AKAP6: variants seen among roughly 807,000 people sequenced by gnomAD.
AKAP6 encodes A-kinase anchor protein 6.
AKAP6 carries 58 observed loss-of-function variants against 188.5 expected under a neutral mutation model. The observed-to-expected ratio is 0.31, with a 90% CI of 0.25 to 0.38. The LOEUF (loss-of-function observed/expected upper bound fraction) is 0.38. Among genes scored for constraint, AKAP6 ranks in the 10% least tolerant of loss-of-function variants. AKAP6 has a pLI of 1.00. For missense variants in AKAP6, 2,710 were observed against 2,740.0 expected, an observed-to-expected ratio of 0.99 and a Z score of 0.24; for synonymous variants, 989 against 998.6, an observed-to-expected ratio of 0.99 and a Z score of 0.18.
Position 32,835,250 on chromosome 14 carries a change from C to G in AKAP6, c.*5445C>G, listed in dbSNP as rs1247734548. 6.8e-6 allele frequency: 1 copy of G among 147,638 alleles called. No individual in the cohort carries two copies. Among genetic ancestry groups the G allele is most frequent in the Non-Finnish European group, 1.5e-5 (1 of 66,412 alleles). 9.1% of individuals were successfully genotyped at this position (147,638 alleles called of 1,614,324 possible). On this transcript the variant is annotated 3_prime_UTR_variant, in exon 14 of 14. Transcript: ENST00000280979. ...TTGCAAATTCAGTGTAAGACATAAA[C>G]ACCGGCAATAGTTGTGTTTTTTTTT...
intron 1 of AKAP6, among the ~76,000 whole-genome samples, chr14:32,407,574 T>C (rs2138636778): frequency 6.6e-6 from 1 of 152,346 alleles, no homozygotes; most frequent in South Asian, 2.1e-4. Context: ...TGATATTTAC[T>C]GCATGTTAGT....
intron 12 of AKAP6, among the ~76,000 whole-genome samples, chr14:32,776,591 C>T (rs979844330): frequency 1.3e-5 from 2 of 152,198 alleles, no homozygotes; most frequent in African/African-American, 4.8e-5. Context: ...CATAGTAGGT[C>T]TACAAATAAG....
At chr14:32,402,443 A>C (rs1381871695) in intron 1 of AKAP6, among the ~76,000 whole-genome samples, 1 of 152,218 alleles carries the variant, frequency 6.6e-6, no homozygotes, top group African/African-American at 2.4e-5. Context: ...ATTTCCTGAT[A>C]TCAAATGCCT....
intron 11 of AKAP6, among the ~76,000 whole-genome samples, chr14:32,746,363 A>G (rs2031910930): frequency 6.6e-6 from 1 of 152,114 alleles, no homozygotes; most frequent in Admixed American, 6.5e-5. Flanking sequence ...TCAGGGTTCA[A>G]AGGGTCTACA....
At position 32,769,858 on chromosome 14, in the gene AKAP6, T is replaced by G. The variant is rs555065235; in HGVS notation, c.3373-3820T>G. On this transcript the variant is annotated intron_variant, in intron 11 of 13. Transcript: ENST00000280979. ...TTCTTTTATTATAAGCTTATTTATA[T>G]CCTTTTATAAACTATATGACATTCA... 3.9e-5 allele frequency among the ~76,000 whole-genome samples: 6 copies of G among 152,314 alleles called. No homozygotes were observed. In the South Asian group the frequency reaches 6.2e-4, roughly 16 times the overall value.
intron 9 of AKAP6, among the ~76,000 whole-genome samples, chr14:32,727,616 G>A (rs1002862418): frequency 6.6e-6 from 1 of 152,150 alleles, no homozygotes; most frequent in African/African-American, 2.4e-5. Flanking sequence ...TAGAAGAGGG[G>A]GAAAACTCAA....
chr14:32,783,687 A>G (rs1336667634), intron 12 of AKAP6, among the ~76,000 whole-genome samples: 1 of 152,060 alleles, frequency 6.6e-6, no homozygotes, highest in Non-Finnish European at 1.5e-5. Flanking sequence ...GTCCTTTAAG[A>G]CTCTTAATAA....
chr14:32,474,089 G>A (rs556043913), intron 2 of AKAP6: 2 of 152,228 alleles, frequency 1.3e-5, no homozygotes, highest in East Asian at 3.9e-4. Flanking sequence ...GTAGAAACGG[G>A]GTTTCACTAT....
intron 1 of AKAP6, among the ~76,000 whole-genome samples, chr14:32,365,753 C>T (rs564155119): frequency 4.6e-5 from 7 of 152,284 alleles, no homozygotes; most frequent in African/African-American, 1.7e-4. Flanking sequence ...ATTATCTCAC[C>T]TCCCCACTTC....
At chr14:32,574,134 C>T (rs1242792183) in intron 4 of AKAP6, among the ~76,000 whole-genome samples, 2 of 152,144 alleles carry the variant, frequency 1.3e-5, no homozygotes, top group East Asian at 1.9e-4. Context: ...CCTAAAGGGA[C>T]GGGGTGCTTA....
intron 8 of AKAP6, among the ~76,000 whole-genome samples, chr14:32,690,954 T>G (rs944064443): frequency 3.9e-5 from 6 of 152,214 alleles, no homozygotes; most frequent in African/African-American, 1.4e-4. Flanking sequence ...TGAGTTTGCT[T>G]TATAACACTT....
chr14:32,567,532 A>G lies in AKAP6; in HGVS notation c.2347-9588A>G, dbSNP rs564556377. Among the ~76,000 whole-genome samples, 19 of 151,916 alleles carry G rather than the reference A, an allele frequency of 1.3e-4. No individual in the cohort carries two copies. The South Asian group carries it at 4.0e-3, about 32-fold the overall frequency. On this transcript the variant is annotated intron_variant, in intron 4 of 13. Transcript: ENST00000280979. ...GATAAACTCTTCACATGGAATTCCA[A>G]TTTTTTTTCTAAAAATAATAACTTT...
At chr14:32,356,829 C>G (rs915242247) in intron 1 of AKAP6, among the ~76,000 whole-genome samples, 1 of 152,030 alleles carries the variant, frequency 6.6e-6, no homozygotes, top group East Asian at 1.9e-4. Context: ...TATCCCCTAG[C>G]CTTGCTCACT....
intron 12 of AKAP6, among the ~76,000 whole-genome samples, chr14:32,786,545 C>T (rs889488937): frequency 7.9e-5 from 12 of 151,662 alleles, no homozygotes; most frequent in African/African-American, 2.4e-4. Context: ...AGGATGGTTT[C>T]GATCTCCTGA....
intron 1 of AKAP6, among the ~76,000 whole-genome samples, chr14:32,431,487 A>G (rs1171120454): frequency 6.6e-6 from 1 of 152,128 alleles, no homozygotes; most frequent in African/African-American, 2.4e-5. Flanking sequence ...TTGTTTTAAA[A>G]ATTTATCTGT....
Position 32,824,228 on chromosome 14 carries a change from C to T in AKAP6, c.6415C>T (p.Leu2139=), listed in dbSNP as rs1394802374. 3 of 1,613,974 alleles carry T rather than the reference C, an allele frequency of 1.9e-6. No homozygotes were observed. The highest frequency in any genetic ancestry group is 2.2e-5 in the East Asian group (1 of 44,878). ...AGAGAAAAGCAGCACTCCATTGCCA[C>T]TAGACACCACTGACTCGGGCTTAGA... ...IEEKSSTPLP[L]DTTDSGLDDK... is the part of the protein sequence containing the mutation. Residue 2139 remains leucine, a synonymous_variant, in exon 13 of 14, where the codon CTA becomes TTA. Coordinates refer to ENST00000280979, the MANE Select transcript of AKAP6 (RefSeq NM_004274.5).
At chr14:32,729,297 G>A (rs555829556) in intron 9 of AKAP6, among the ~76,000 whole-genome samples, 1 of 152,174 alleles carries the variant, frequency 6.6e-6, no homozygotes, top group African/African-American at 2.4e-5. Flanking sequence ...GGGGGACTTC[G>A]GTGTGGCGGG....
At chr14:32,451,941 T>C (rs1890948948) in intron 2 of AKAP6, among the ~76,000 whole-genome samples, 1 of 151,674 alleles carries the variant, frequency 6.6e-6, no homozygotes, top group South Asian at 2.1e-4. Flanking sequence ...AGGTAAGTTG[T>C]GGCCATATTT....
chr14:32,624,200 A>G (rs1886923888), intron 7 of AKAP6, among the ~76,000 whole-genome samples: 3 of 152,174 alleles, frequency 2.0e-5, no homozygotes, highest in Non-Finnish European at 4.4e-5. Context: ...AATTGCTGAG[A>G]GTATTAGAAG....
Sources: gnomAD v4.1 joint callset for allele counts (sites outside exome capture counted in the v4.1 genomes callset) on GRCh38, gnomAD v4.1.1 for gene constraint, MANE v1.5 for transcripts, NCBI Gene and HGNC (gene_info 2026-07-23, HGNC 2026-07-21) for gene names.